The following ACTR5 variants were observed in gnomAD, a reference collection of about 807,000 sequenced individuals.
ACTR5 encodes actin-related protein 5.
Under a neutral mutation model 61.2 loss-of-function variants are expected in ACTR5, and 43 were observed. That is an observed-to-expected ratio of 0.70 (90% confidence interval 0.55 to 0.91). The LOEUF (loss-of-function observed/expected upper bound fraction) is 0.91. Ranked by LOEUF, ACTR5 falls within the 40% of genes least tolerant of loss-of-function variation. The probability of loss-of-function intolerance (pLI) is 0.00; values close to 1 mark genes in which losing one functional copy is unlikely to be tolerated. For missense variants in ACTR5, 798 were observed against 782.2 expected, an observed-to-expected ratio of 1.02 and a Z score of -0.24; for synonymous variants, 333 against 310.5, an observed-to-expected ratio of 1.07 and a Z score of -0.76.
At chr20:38,748,965 C>G (rs2084369980) in intron 1 of ACTR5, 112 bp downstream of exon 1, 5 of 1,347,998 alleles carry the variant, frequency 3.7e-6, no homozygotes, top group Non-Finnish European at 5.0e-6. Flanking sequence ...CTCCGATTGT[C>G]TTTTAGTCGA....
At chr20:38,766,070 A>G (rs1240162251) in intron 6 of ACTR5, among the ~76,000 whole-genome samples, 168 bp from the exon 7 acceptor site, 3 of 152,202 alleles carry the variant, frequency 2.0e-5, no homozygotes, top group East Asian at 1.9e-4. Context: ...CACAGGTTGG[A>G]AGAAGGTAGG....
rs780903140 is a variant in ACTR5 at position 38,766,329 on chromosome 20, GAGA to G, written c.1390_1392del (p.Glu464del). ...ATTATTTTCCAGCCATCTCTCATAGGAGAAGAACAGGCTGGGATTGCAGAGACT... is the reference window on the plus strand; with the variant it reads ...ATTATTTTCCAGCCATCTCTCATAGGAGAACAGGCTGGGATTGCAGAGACT... On this transcript the variant is annotated inframe_deletion, in exon 7 of 9. Transcript: ENST00000243903. 1.9e-6 allele frequency: 3 copies of G among 1,613,990 alleles called. No individual in the cohort carries two copies. Among genetic ancestry groups the G allele is most frequent in the East Asian group, 2.2e-5 (1 of 44,880 alleles).
intron 8 of ACTR5, among the ~76,000 whole-genome samples, chr20:38,769,929 G>A (rs1601205898): frequency 6.6e-6 from 1 of 152,084 alleles, no homozygotes; most frequent in Non-Finnish European, 1.5e-5. Flanking sequence ...TGGCAGCGGC[G>A]ACTTAGGATG....
At chr20:38,755,332 G>A (rs552006034) in intron 4 of ACTR5, among the ~76,000 whole-genome samples, 158 bp downstream of exon 4, 1 of 152,356 alleles carries the variant, frequency 6.6e-6, no homozygotes, top group South Asian at 2.1e-4. Context: ...AGAATACAGT[G>A]TAGAAGCAGC....
intron 4 of ACTR5, 60 bp from the exon 5 acceptor site, chr20:38,755,797 G>C: frequency 4.4e-6 from 7 of 1,601,528 alleles, no homozygotes; most frequent in Non-Finnish European, 6.0e-6. Context: ...TCCAGCTGTC[G>C]TTTTCTCCGT....
chr20:38,767,522 A>G lies in ACTR5; in HGVS notation c.1492A>G (p.Thr498Ala). The G allele has an allele frequency of 1.2e-6, 2 of 1,614,176 alleles. No individual in the cohort carries two copies. The highest frequency in any genetic ancestry group is 1.1e-5 in the South Asian group (1 of 91,086). ...GAACGTTTTCCTCACTGGCGGCAAC[A>G]CGATGTATCCTGGCATGAAAGCCAG... ...VQNVFLTGGNTMYPGMKARME... is the reference protein window; with the variant it reads ...VQNVFLTGGNAMYPGMKARME... The change falls in exon 8 of 9, where the codon ACG (threonine) becomes GCG (alanine). Residue 498 changes from threonine (T) to alanine (A), a missense_variant. Physicochemically the swap from Thr to Ala is moderately conservative, Grantham distance 58. Transcript: ENST00000243903.
At chr20:38,754,311 ATTATGTCCAGGTTTGGTAGCTGCTT>A (rs1190615290) in intron 3 of ACTR5, among the ~76,000 whole-genome samples, 1 of 152,110 alleles carries the variant, frequency 6.6e-6, no homozygotes, top group Non-Finnish European at 1.5e-5. Context: ...GCCTGCTGGC[ATTATGTCCAGGTTTGGTAGCTGCTT>A]TTAGTTGATT....
At chr20:38,754,831 C>T (rs1371282135) in intron 3 of ACTR5, 126 bp from the exon 4 acceptor site, 17 of 817,014 alleles carry the variant, frequency 2.1e-5, no homozygotes, top group Admixed American at 7.8e-5. Flanking sequence ...CCTCGTGATC[C>T]GCCCACCTCG....
chr20:38,770,204 G>C (rs1485738666), intron 8 of ACTR5, among the ~76,000 whole-genome samples: 2 of 150,546 alleles, frequency 1.3e-5, no homozygotes, highest in Non-Finnish European at 2.9e-5. Context: ...TTTAGATTAT[G>C]TATTCAGCAG....
At chr20:38,755,531 C>T (rs998602134) in intron 4 of ACTR5, among the ~76,000 whole-genome samples, 3 of 151,982 alleles carry the variant, frequency 2.0e-5, no homozygotes, top group South Asian at 4.2e-4. Flanking sequence ...GCATTGTCAG[C>T]GTTCCAGAAG....
At chr20:38,758,694 T>G (rs183925565) in intron 5 of ACTR5, among the ~76,000 whole-genome samples, 202 of 152,022 alleles carry the variant, frequency 1.3e-3, no homozygotes, top group Non-Finnish European at 2.2e-3. Flanking sequence ...TAATGGTTAG[T>G]CAGCATTCAG....
intron 5 of ACTR5, among the ~76,000 whole-genome samples, chr20:38,762,891 T>C (rs372493752): frequency 3.3e-5 from 5 of 152,230 alleles, no homozygotes; most frequent in African/African-American, 7.2e-5. Context: ...TCTGTAGTTA[T>C]TTTAAATACA....
chr20:38,750,911 G>A (rs1449470835), intron 2 of ACTR5, among the ~76,000 whole-genome samples: 3 of 152,158 alleles, frequency 2.0e-5, no homozygotes. Flanking sequence ...GATTACAGGG[G>A]TGAGCCACCG....
chr20:38,754,777 G>A (rs1568634855), intron 3 of ACTR5, among the ~76,000 whole-genome samples, 180 bp from the exon 4 acceptor site: 2 of 152,024 alleles, frequency 1.3e-5, no homozygotes, highest in East Asian at 2.0e-4. Context: ...TTTTAGTAGA[G>A]ACAGGGTTTC....
chr20:38,748,991 T>G, intron 1 of ACTR5, 138 bp downstream of exon 1: 1 of 1,077,336 alleles, frequency 9.3e-7, no homozygotes, highest in Non-Finnish European at 1.3e-6. Flanking sequence ...TGCTAGGCGC[T>G]GTGGGTGTAG....
At chr20:38,757,805 C>T (rs561118926) in intron 5 of ACTR5, among the ~76,000 whole-genome samples, 1 of 150,110 alleles carries the variant, frequency 6.7e-6, no homozygotes, top group Non-Finnish European at 1.5e-5. Flanking sequence ...CTAGATACAC[C>T]TTATTGGATC....
intron 5 of ACTR5, among the ~76,000 whole-genome samples, chr20:38,764,195 C>A (rs1452586483): frequency 2.0e-5 from 3 of 152,098 alleles, no homozygotes; most frequent in African/African-American, 7.2e-5. Flanking sequence ...TTCATAAATT[C>A]CGAGAGTAAG....
At chr20:38,764,459 T>C (rs562276638) in intron 5 of ACTR5, among the ~76,000 whole-genome samples, 1 of 152,156 alleles carries the variant, frequency 6.6e-6, no homozygotes, top group Non-Finnish European at 1.5e-5. Flanking sequence ...TTTTGTACAG[T>C]TTAAAATTAA....
In ACTR5 at chr20:38,748,635, C is replaced by T. The variant is rs1402914974; in HGVS notation, c.157C>T (p.Pro53Ser). The T allele has an allele frequency of 6.6e-7, 1 of 1,520,778 alleles. No individual in the cohort carries two copies. Among genetic ancestry groups the T allele is most frequent in the African/African-American group, 1.4e-5 (1 of 69,044 alleles). The allele number at this position is 1,520,778 out of a possible 1,614,324, so 94.2% of individuals were successfully genotyped here. ...TGGCTGGGCGTGTCCCGGGCAGGAC[C>T]CAGGTCCCGAGCCGCGCCTGCAGTT... ...RAGWACPGQD[P>S]GPEPRLQFRA... Residue 53 changes from proline to serine, a missense_variant, in exon 1 of 9, where the codon CCA becomes TCA. Coordinates refer to ENST00000243903, the MANE Select transcript of ACTR5 (RefSeq NM_024855.4).
Sources: gnomAD v4.1 joint callset for allele counts (sites outside exome capture counted in the v4.1 genomes callset) on GRCh38, gnomAD v4.1.1 for gene constraint, MANE v1.5 for transcripts, NCBI Gene and HGNC (gene_info 2026-07-23, HGNC 2026-07-21) for gene names.